The following SMARCD2 variants were observed in gnomAD, a reference collection of about 807,000 sequenced individuals.
The protein encoded by SMARCD2 is SWI/SNF related BAF chromatin remodeling complex subunit D2.
SMARCD2 carries 39 observed loss-of-function variants against 70.4 expected under a neutral mutation model. That is an observed-to-expected ratio of 0.55 (90% CI 0.43 to 0.72). SMARCD2 has a LOEUF of 0.72. Among genes scored for constraint, SMARCD2 ranks in the 30% least tolerant of loss-of-function variants. SMARCD2 has a pLI of 0.00. For missense variants in SMARCD2, 540 were observed against 713.4 expected (o/e 0.76, Z 2.77); for synonymous variants, 249 against 279.4 (o/e 0.89, Z 1.08).
Position 63,839,595 on chromosome 17 carries a change from A to C in SMARCD2, c.217-1970T>G, listed in dbSNP as rs557325257. On this transcript the variant is annotated intron_variant, in intron 1 of 12. Transcript: ENST00000448276. The stretch of plus-strand genomic sequence containing the variant: ...AAAAACAAAACAAAACAAAACAAAC[A>C]AAAAAAAACAACTCAGGAGTTAAAG... Among the ~76,000 whole-genome samples, 26 of 20,928 alleles carry C rather than the reference A, an allele frequency of 1.2e-3. No individual in the cohort carries two copies. The East Asian group carries it at 0.013, about 10-fold the overall frequency. 13.7% of individuals were successfully genotyped at this position (20,928 alleles called of 152,430 possible). A position where few individuals can be genotyped will look rare whatever the true frequency, so the allele number is the denominator to read the frequency against.
At chr17:63,835,322 T>C (rs1719608525) in intron 5 of SMARCD2, 90 bp downstream of exon 5, 1 of 1,366,436 alleles carries the variant, frequency 7.3e-7, no homozygotes, top group Non-Finnish European at 1.0e-6. Flanking sequence ...GGGGTCTGGC[T>C]CTGCTGCTCA....
Position 63,833,489 on chromosome 17 carries a change from A to T in SMARCD2, c.1318-69T>A. ...TGCAAGCAACTGAGCCAGAGTTCCC[A>T]TCCCGTCCTCCAGGTGCTACATGTA... On this transcript the variant is annotated intron_variant, in intron 10 of 12. Transcript: ENST00000448276. This position sits in a 1 kb window ranked among gnomAD's most constrained non-coding sequence, Gnocchi z 4.3. The T allele has an allele frequency of 6.2e-7, 1 of 1,609,964 alleles. No homozygotes were observed. Among genetic ancestry groups the T allele is most frequent in the Non-Finnish European group, 8.5e-7 (1 of 1,177,046 alleles).
In SMARCD2 at chr17:63,837,161, G is replaced by A; in HGVS notation, c.444+34C>T. 3.1e-6 allele frequency: 5 copies of A among 1,611,958 alleles called. No individual in the cohort carries two copies. Among genetic ancestry groups the A allele is most frequent in the Non-Finnish European group, 4.2e-6 (5 of 1,178,270 alleles). Reference sequence around the variant, plus strand: ...GGACACCCACCCCAAGGTGGCCACTGGGCAGGCCTCCCAGGTGTCCTCTTA... The same window carrying A: ...GGACACCCACCCCAAGGTGGCCACTAGGCAGGCCTCCCAGGTGTCCTCTTA... On this transcript the variant is annotated intron_variant, in intron 3 of 12. Coordinates refer to ENST00000448276, the MANE Select transcript of SMARCD2 (RefSeq NM_001098426.2). This position sits in a 1 kb window ranked among gnomAD's most constrained non-coding sequence, Gnocchi z 6.4.
At position 63,832,785 on chromosome 17, in the gene SMARCD2, A is replaced by G; in HGVS notation, c.*153T>C. The G allele has an allele frequency of 1.4e-6, 1 of 696,224 alleles. No individual in the cohort carries two copies. The allele number at this position is 696,224 out of a possible 1,614,324, so 43.1% of individuals were successfully genotyped here. On this transcript the variant is annotated 3_prime_UTR_variant, in exon 13 of 13. Transcript: ENST00000448276. ...AGGCTTTGGGGACCAAGCAACAAGG[A>G]ATCCTATCACTACATTTATAAGACT...
chr17:63,837,353 C>T lies in SMARCD2; in HGVS notation c.401+88G>A. 6.6e-7 allele frequency: 1 copy of T among 1,525,596 alleles called. No individual in the cohort carries two copies. Among genetic ancestry groups the T allele is most frequent in the Non-Finnish European group, 9.1e-7 (1 of 1,100,688 alleles). 94.5% of individuals were successfully genotyped at this position (1,525,596 alleles called of 1,614,324 possible). ...CCCCAGGAGAGCCTGGAGTCATCCT[C>T]AGTCACCAAAGCTCTTAAGATAGAA... On this transcript the variant is annotated intron_variant, in intron 2 of 12. Transcript: ENST00000448276. The surrounding 1 kb of genome is among the most constrained non-coding windows in gnomAD (Gnocchi z 6.4).
In SMARCD2 at chr17:63,832,846, T is replaced by C. The variant is rs138256675; in HGVS notation, c.*92A>G. 3 of 1,058,732 alleles carry C rather than the reference T, an allele frequency of 2.8e-6. No individual in the cohort carries two copies. Among genetic ancestry groups the C allele is most frequent in the Non-Finnish European group, 4.3e-6 (3 of 699,532 alleles). The allele number at this position is 1,058,732 out of a possible 1,614,324, so 65.6% of individuals were successfully genotyped here. On this transcript the variant is annotated 3_prime_UTR_variant, in exon 13 of 13. Transcript: ENST00000448276. ...AGTAGAGGGTGACAGCAGACACTCC[T>C]CACCCCAGCCTACGTGTCTGCGGCC...
chr17:63,832,105 A>C lies in SMARCD2; in HGVS notation c.*833T>G. The C allele has an allele frequency of 1.1e-6, 1 of 949,316 alleles. No homozygotes were observed. The highest frequency in any genetic ancestry group is 1.6e-6 in the Non-Finnish European group (1 of 621,716). The allele number at this position is 949,316 out of a possible 1,614,324, so 58.8% of individuals were successfully genotyped here. A position where few individuals can be genotyped will look rare whatever the true frequency, so the allele number is the denominator to read the frequency against. ...CCAATAGACAAAAGGATTTATTTGG[A>C]AATTTCCAAACCTGCCAGATGTGGC... On this transcript the variant is annotated 3_prime_UTR_variant, in exon 13 of 13. Coordinates refer to ENST00000448276, the MANE Select transcript of SMARCD2 (RefSeq NM_001098426.2).
rs1904334454 is a variant in SMARCD2 at position 63,838,992 on chromosome 17, G to A, written c.217-1367C>T. 2.0e-5 allele frequency: 20 copies of A among 985,378 alleles called. 1 individual carries two copies. The South Asian group carries it at 6.1e-4, about 30-fold the overall frequency. The allele number at this position is 985,378 out of a possible 1,614,324, so 61.0% of individuals were successfully genotyped here. A position where few individuals can be genotyped will look rare whatever the true frequency, so the allele number is the denominator to read the frequency against. On this transcript the variant is annotated intron_variant, in intron 1 of 12. Transcript: ENST00000448276. ...GTGAGGATGGGGAGAGGAGGAGCAG[G>A]GTGGGACGGAAGTGTTTGGGAGAAT...
At position 63,834,491 on chromosome 17, in the gene SMARCD2, G is replaced by A. The variant is rs1280861394; in HGVS notation, c.904C>T (p.Leu302Phe). ...GDLNVKCTLL[L>F]MLDHQPPQYK... is the part of the protein sequence containing the mutation. ...TCTGTCACCTGATGATCCAGCATGAGCAGGAGGGTGCACTTGACGTTGAGG... is the reference window on the plus strand; with the variant it reads ...TCTGTCACCTGATGATCCAGCATGAACAGGAGGGTGCACTTGACGTTGAGG... Residue 302 changes from leucine to phenylalanine, a missense_variant, in exon 7 of 13, where the codon CTC becomes TTC. Coordinates refer to ENST00000448276, the MANE Select transcript of SMARCD2 (RefSeq NM_001098426.2). The surrounding 1 kb of genome is among the most constrained non-coding windows in gnomAD (Gnocchi z 5.6). 3 of 1,598,186 alleles carry A rather than the reference G, an allele frequency of 1.9e-6. No individual in the cohort carries two copies. The highest frequency in any genetic ancestry group is 1.7e-5 in the Admixed American group (1 of 59,024).
chr17:63,834,048 A>C lies in SMARCD2; in HGVS notation c.1084-42T>G, dbSNP rs963690715. The C allele has an allele frequency of 6.3e-7, 1 of 1,597,222 alleles. No individual in the cohort carries two copies. The highest frequency in any genetic ancestry group is 8.6e-7 in the Non-Finnish European group (1 of 1,164,992). ...AGGCTCAGCGTTGGCTTGTGGGCAC[A>C]GTGGAGTGGACCATTCCAGGACCAG... is the stretch of plus-strand genomic sequence containing the variant. On this transcript the variant is annotated intron_variant, in intron 8 of 12. Coordinates refer to ENST00000448276, the MANE Select transcript of SMARCD2 (RefSeq NM_001098426.2). The surrounding 1 kb of genome is among the most constrained non-coding windows in gnomAD (Gnocchi z 5.6).
At position 63,832,648 on chromosome 17, in the gene SMARCD2, G is replaced by GA; in HGVS notation, c.*289dup. 1 of 498,766 alleles carries GA rather than the reference G, an allele frequency of 2.0e-6. No individual in the cohort carries two copies. Among genetic ancestry groups the GA allele is most frequent in the South Asian group, 2.2e-5 (1 of 45,130 alleles). The allele number at this position is 498,766 out of a possible 1,614,324, so 30.9% of individuals were successfully genotyped here. ...TGCAAACCCAGCAGCCTTTGGTTCG[G>GA]AAATGTCTTACAATGTCAAAGCACA... On this transcript the variant is annotated 3_prime_UTR_variant, in exon 13 of 13. Transcript: ENST00000448276.
chr17:63,833,242 G>C lies in SMARCD2; in HGVS notation c.1440+56C>G. On this transcript the variant is annotated intron_variant, in intron 11 of 12. Transcript: ENST00000448276. This position sits in a 1 kb window ranked among gnomAD's most constrained non-coding sequence, Gnocchi z 4.3. ...GCTAATCCACCCTGGGAACTGCTGTGGGTAAAAATCACCCAGAGCTTTACA... is the reference window on the plus strand; with the variant it reads ...GCTAATCCACCCTGGGAACTGCTGTCGGTAAAAATCACCCAGAGCTTTACA... 1.2e-6 allele frequency: 2 copies of C among 1,612,860 alleles called. No homozygotes were observed. The highest frequency in any genetic ancestry group is 1.1e-5 in the South Asian group (1 of 91,040).
At position 63,834,781 on chromosome 17, in the gene SMARCD2, TTCC is replaced by T. The variant is rs773624600; in HGVS notation, c.740_742del (p.Arg247del). On this transcript the variant is annotated inframe_deletion, in exon 6 of 13. Transcript: ENST00000448276. The surrounding 1 kb of genome is among the most constrained non-coding windows in gnomAD (Gnocchi z 5.6). Reference sequence around the variant, plus strand: ...GAGGCTCTTAAAGAATGAAGAAAACTTCCTCTTCTGTTTGCTAGGCTGGGGATG... The same window carrying T: ...GAGGCTCTTAAAGAATGAAGAAAACTTCTTCTGTTTGCTAGGCTGGGGATG... The T allele has an allele frequency of 1.2e-6, 2 of 1,613,062 alleles. No homozygotes were observed. The highest frequency in any genetic ancestry group is 1.7e-6 in the Non-Finnish European group (2 of 1,179,034).
At position 63,837,625 on chromosome 17, in the gene SMARCD2, G is replaced by A. The variant is rs2144634829; in HGVS notation, c.217C>T (p.Arg73Ter). ...GPAGPAAQYQ[R>*]PGMSPGNRMP... ...CGGTTCCCTGGTGACATGCCAGGTC[G>A]CTGGGGGAAGTGAGCCAACGGGGGT... The change falls in exon 2 of 13, where the codon CGA (arginine) becomes TGA (stop). Residue 73 changes from arginine (R) to a stop codon, truncating the protein, a stop_gained and splice_region_variant. Coordinates refer to ENST00000448276, the MANE Select transcript of SMARCD2 (RefSeq NM_001098426.2). LOFTEE classifies it high-confidence loss of function. This position sits in a 1 kb window ranked among gnomAD's most constrained non-coding sequence, Gnocchi z 6.4. The A allele has an allele frequency of 3.1e-6, 5 of 1,612,214 alleles. No individual in the cohort carries two copies. Among genetic ancestry groups the A allele is most frequent in the Admixed American group, 1.7e-5 (1 of 59,782 alleles).
intron 1 of SMARCD2, among the ~76,000 whole-genome samples, chr17:63,840,251 C>G (rs1446647478): frequency 1.3e-5 from 2 of 151,928 alleles, no homozygotes; most frequent in African/African-American, 2.4e-5. Flanking sequence ...CTCAATGCAG[C>G]CTTGAACTCC....
At position 63,835,404 on chromosome 17, in the gene SMARCD2, C is replaced by G. The variant is rs750106915; in HGVS notation, c.723+8G>C. The stretch of plus-strand genomic sequence containing the variant: ...TCCTTCCCTCCAGAACCTCCCTCCC[C>G]AACTCACATCATCCAGCAGTTTTCC... On this transcript the variant is annotated splice_region_variant and intron_variant, in intron 5 of 12. Coordinates refer to ENST00000448276, the MANE Select transcript of SMARCD2 (RefSeq NM_001098426.2). The G allele has an allele frequency of 6.0e-5, 96 of 1,611,638 alleles. No homozygotes were observed. Among genetic ancestry groups the G allele is most frequent in the Non-Finnish European group, 8.1e-5 (95 of 1,178,662 alleles).
At chr17:63,836,500 GAAAAAA>G (rs61376475) in intron 4 of SMARCD2, among the ~76,000 whole-genome samples, 2 of 64,830 alleles carry the variant, frequency 3.1e-5, no homozygotes, top group African/African-American at 5.0e-5. Context: ...CTCCATCTCA[GAAAAAA>G]AAAAAAAAAA....
Position 63,837,222 on chromosome 17 carries a change from C to A in SMARCD2, c.417G>T (p.Lys139Asn). The A allele has an allele frequency of 6.2e-7, 1 of 1,613,898 alleles. No homozygotes were observed. Among genetic ancestry groups the A allele is most frequent in the Non-Finnish European group, 8.5e-7 (1 of 1,179,862 alleles). The part of the protein sequence containing the change: ...PAQRRGLKRR[K>N]MADKVLPQRI... ...GCTGAGGTAGAACCTTATCTGCCAT[C>A]TTCCTCCTCTTTAACCTGGGGAGGA... is the stretch of plus-strand genomic sequence containing the variant. Residue 139 changes from lysine (K) to asparagine (N), a missense_variant, in exon 3 of 13, where the codon AAG becomes AAT. Transcript: ENST00000448276. This position sits in a 1 kb window ranked among gnomAD's most constrained non-coding sequence, Gnocchi z 6.4.
At chr17:63,836,660 A>G (rs1172760958) in intron 4 of SMARCD2, 3 of 368,104 alleles carry the variant, frequency 8.1e-6, no homozygotes, top group Non-Finnish European at 1.5e-5. Flanking sequence ...ATATCTATTT[A>G]TCAGAAACAA....
Sources: allele counts gnomAD v4.1 joint callset (sites outside exome capture counted in the v4.1 genomes callset), GRCh38; gene constraint gnomAD v4.1.1; non-coding constraint Gnocchi (gnomAD v3.1); transcripts MANE v1.5; gene names NCBI Gene and HGNC (gene_info 2026-07-23, HGNC 2026-07-21).